MGMT: variants seen among roughly 807,000 people sequenced by gnomAD.
MGMT encodes the protein methylated-DNA--protein-cysteine methyltransferase.
In MGMT, 14 loss-of-function variants were observed where a neutral mutation model predicts 15.9. The ratio of observed to expected loss-of-function variants is 0.88; its 90% confidence interval spans 0.58 to 1.37. MGMT has a LOEUF of 1.37. Among genes scored for constraint, MGMT ranks in the 40% most tolerant of loss-of-function variants. The pLI is 0.00. For synonymous variants in MGMT, 130 were observed against 118.2 expected (o/e 1.10, Z -0.65); for missense variants, 282 against 268.1 (o/e 1.05, Z -0.36).
chr10:129,620,093 C>A (rs984456251), intron 2 of MGMT, among the ~76,000 whole-genome samples: 1 of 152,160 alleles, frequency 6.6e-6, no homozygotes, highest in Non-Finnish European at 1.5e-5. Context: ...GGAGGCCGTT[C>A]ATGATCCTTT....
In MGMT at chr10:129,560,034, A is replaced by G. The variant is rs533027703; in HGVS notation, c.125+23657A>G. On this transcript the variant is annotated intron_variant, in intron 2 of 4. Transcript: ENST00000651593. ...CTCCACTAATAAGAAACGGAGCAAA[A>G]GTGGAATTATGAGTTCAGTAGTATT... is the stretch of plus-strand genomic sequence containing the variant. Among the ~76,000 whole-genome samples the G allele has an allele frequency of 7.2e-5, 11 of 152,312 alleles. No individual in the cohort carries two copies. The East Asian group carries it at 1.5e-3, about 21-fold the overall frequency.
At position 129,769,896 on chromosome 10, in the gene MGMT, C is replaced by T. The variant is rs563670003; in HGVS notation, c.*2899C>T. Among the ~76,000 whole-genome samples, 1 of 152,136 alleles carries T rather than the reference C, an allele frequency of 6.6e-6. No homozygotes were observed. Among genetic ancestry groups the T allele is most frequent in the Non-Finnish European group, 1.5e-5 (1 of 68,030 alleles). The stretch of plus-strand genomic sequence containing the variant: ...AGCTCTTGCATGAGGAATTGCAGAA[C>T]TTAGGGGCATGAATTTGCACTTCCA... On this transcript the variant is annotated 3_prime_UTR_variant, in exon 5 of 5. Coordinates refer to ENST00000651593, the MANE Select transcript of MGMT (RefSeq NM_002412.5).
rs187631236 is a variant in MGMT at position 129,643,297 on chromosome 10, G to A, written c.126-64598G>A. 2.2e-3 allele frequency among the ~76,000 whole-genome samples: 328 copies of A among 152,260 alleles called. 2 individuals carry two copies. Among genetic ancestry groups the A allele is most frequent in the Middle Eastern group, 0.017 (5 of 294 alleles). ...CAAGAGAATAGAAAGTTTGATTCAAGGAGAAAAACTGGAGTAAGCAGTTTG... is the reference window on the plus strand; with the variant it reads ...CAAGAGAATAGAAAGTTTGATTCAAAGAGAAAAACTGGAGTAAGCAGTTTG... On this transcript the variant is annotated intron_variant, in intron 2 of 4. Coordinates refer to ENST00000651593, the MANE Select transcript of MGMT (RefSeq NM_002412.5).
intron 2 of MGMT, among the ~76,000 whole-genome samples, chr10:129,615,178 C>G (rs568229418): frequency 8.5e-5 from 13 of 152,230 alleles, no homozygotes; most frequent in African/African-American, 3.1e-4. Context: ...AAGTGAAAGT[C>G]ATTTCCAGTT....
rs1013084418 is a variant in MGMT, at chr10:129,769,456, C to T, written c.*2459C>T. ...AAACAAGAAAGCTGTGTTCTTCAGC[C>T]TTGGCCCTGGGTCCCCCTCACCCTG... On this transcript the variant is annotated 3_prime_UTR_variant, in exon 5 of 5. Transcript: ENST00000651593. 3.9e-5 allele frequency: 6 copies of T among 152,332 alleles called. No homozygotes were observed. The highest frequency in any genetic ancestry group is 1.2e-4 in the African/African-American group (5 of 41,552). 9.4% of individuals were successfully genotyped at this position (152,332 alleles called of 1,614,324 possible).
At chr10:129,505,151 T>A (rs537770952) in intron 1 of MGMT, among the ~76,000 whole-genome samples, 1 of 152,160 alleles carries the variant, frequency 6.6e-6, no homozygotes, top group African/African-American at 2.4e-5. Flanking sequence ...AAAATATAAC[T>A]AGTAGGATTT....
At chr10:129,504,479 G>A in intron 1 of MGMT, among the ~76,000 whole-genome samples, 1 of 152,222 alleles carries the variant, frequency 6.6e-6, no homozygotes, top group East Asian at 1.9e-4. Flanking sequence ...AGATTTGAAT[G>A]TGTTGCAGGA....
chr10:129,628,426 C>G lies in MGMT; in HGVS notation c.126-79469C>G, dbSNP rs146735073. 2.0e-3 allele frequency among the ~76,000 whole-genome samples: 297 copies of G among 152,258 alleles called. 1 individual carries two copies. Among genetic ancestry groups the G allele is most frequent in the Non-Finnish European group, 3.4e-3 (233 of 68,024 alleles). On this transcript the variant is annotated intron_variant, in intron 2 of 4. Transcript: ENST00000651593. ...TTTGTGGAAGGTAGGGCTGGTGGAT[C>G]GCTCGGTCGCTGGGCAGTGCTGGTC...
intron 2 of MGMT, among the ~76,000 whole-genome samples, chr10:129,638,419 A>G (rs1847286068): frequency 7.1e-6 from 1 of 139,898 alleles, no homozygotes; most frequent in African/African-American, 2.6e-5. Flanking sequence ...CCAAGAGAGG[A>G]CCAAAGAGGC....
chr10:129,730,594 C>T (rs370419389), intron 3 of MGMT, among the ~76,000 whole-genome samples: 1 of 152,152 alleles, frequency 6.6e-6, no homozygotes, highest in African/African-American at 2.4e-5. Context: ...AAATGAAATT[C>T]GCAGAATTCC....
At chr10:129,548,649 G>T (rs1329939061) in intron 2 of MGMT, among the ~76,000 whole-genome samples, 1 of 152,244 alleles carries the variant, frequency 6.6e-6, no homozygotes, top group Non-Finnish European at 1.5e-5. Flanking sequence ...CTTGTTGGCT[G>T]GTCCTGCAGG....
chr10:129,592,978 G>C (rs1846706122), intron 2 of MGMT, among the ~76,000 whole-genome samples: 1 of 152,144 alleles, frequency 6.6e-6, no homozygotes, highest in African/African-American at 2.4e-5. Flanking sequence ...GAGTCCTCAT[G>C]ATGCTTAAGG....
chr10:129,646,752 A>ATTTTTTTTTTTTT (rs1180606132), intron 2 of MGMT, among the ~76,000 whole-genome samples: 9 of 81,882 alleles, frequency 1.1e-4, no homozygotes, highest in Non-Finnish European at 1.6e-4. Context: ...ATATATATAT[A>ATTTTTTTTTTTTT]TATTTTCAGG....
intron 1 of MGMT, among the ~76,000 whole-genome samples, chr10:129,521,281 G>A (rs139415841): frequency 2.6e-5 from 4 of 152,264 alleles, no homozygotes; most frequent in Admixed American, 6.5e-5. Context: ...ATTTCAATCC[G>A]TGTGTCCCCC....
chr10:129,763,574 C>T (rs949098665), intron 4 of MGMT, among the ~76,000 whole-genome samples: 7 of 152,090 alleles, frequency 4.6e-5, no homozygotes, highest in Non-Finnish European at 7.3e-5. Context: ...TTTCATAGCT[C>T]ATTGAGAGGG....
At chr10:129,541,698 G>A (rs1400354352) in intron 2 of MGMT, among the ~76,000 whole-genome samples, 2 of 152,094 alleles carry the variant, frequency 1.3e-5, no homozygotes, top group Non-Finnish European at 2.9e-5. Context: ...TTTCACATAA[G>A]CCTTTTCAGA....
intron 2 of MGMT, among the ~76,000 whole-genome samples, chr10:129,585,450 T>G (rs965920543): frequency 3.9e-5 from 6 of 152,166 alleles, no homozygotes; most frequent in African/African-American, 1.4e-4. Context: ...CACCAAACCC[T>G]TGGTATCCCT....
At chr10:129,705,208 G>C (rs1848146665) in intron 2 of MGMT, among the ~76,000 whole-genome samples, 1 of 152,168 alleles carries the variant, frequency 6.6e-6, no homozygotes, top group Admixed American at 6.5e-5. Flanking sequence ...GCCACCATAG[G>C]CATTTACTCA....
At chr10:129,523,183 G>A (rs1424699936) in intron 1 of MGMT, among the ~76,000 whole-genome samples, 1 of 152,240 alleles carries the variant, frequency 6.6e-6, no homozygotes, top group Non-Finnish European at 1.5e-5. Context: ...CTGCTGGTGG[G>A]GTGAGATGTG....
Sources: allele counts gnomAD v4.1 joint callset (sites outside exome capture counted in the v4.1 genomes callset), GRCh38; gene constraint gnomAD v4.1.1; transcripts MANE v1.5; gene names NCBI Gene and HGNC (gene_info 2026-07-23, HGNC 2026-07-21).